The following APBA2 variants were observed in gnomAD, a reference collection of about 807,000 sequenced individuals.
The protein encoded by APBA2 is amyloid beta precursor protein binding family A member 2.
Under a neutral mutation model 75.0 loss-of-function variants are expected in APBA2, and 30 were observed. The ratio of observed to expected loss-of-function variants is 0.40; its 90% CI spans 0.30 to 0.54. The LOEUF is 0.54. Among genes scored for constraint, APBA2 ranks in the 20% least tolerant of loss-of-function variants. APBA2 has a pLI of 0.49. For missense variants in APBA2, 801 were observed against 1,016.1 expected, an observed-to-expected ratio of 0.79 and a Z score of 2.88; for synonymous variants, 444 against 409.6, an observed-to-expected ratio of 1.08 and a Z score of -1.01.
chr15:28,909,828 G>A (rs535738463), intron 1 of APBA2, among the ~76,000 whole-genome samples: 1 of 152,306 alleles, frequency 6.6e-6, no homozygotes, highest in South Asian at 2.1e-4. Flanking sequence ...TCTAAAGGAT[G>A]CTTCTGTGTT....
intron 2 of APBA2, among the ~76,000 whole-genome samples, chr15:28,972,129 G>GGTTCCCCAAAGGGATA (rs2037100998): frequency 6.6e-6 from 1 of 152,138 alleles, no homozygotes; most frequent in South Asian, 2.1e-4. Flanking sequence ...TAAATGATAA[G>GGTTCCCCAAAGGGATA]GTTCCCCAAA....
At chr15:28,948,397 A>C (rs2035664814) in intron 2 of APBA2, among the ~76,000 whole-genome samples, 9 of 150,456 alleles carry the variant, frequency 6.0e-5, no homozygotes, top group Admixed American at 5.9e-4. Flanking sequence ...AAAAAAAATT[A>C]AAACTCTGGG....
chr15:28,912,540 A>AGC (rs1208574192), intron 1 of APBA2, among the ~76,000 whole-genome samples: 2 of 152,214 alleles, frequency 1.3e-5, no homozygotes, highest in African/African-American at 4.8e-5. Context: ...CATCAGGGTG[A>AGC]GCGCGGTTCA....
At chr15:28,995,975 G>T (rs1365114146) in intron 3 of APBA2, among the ~76,000 whole-genome samples, 169 bp downstream of exon 3, 1 of 152,068 alleles carries the variant, frequency 6.6e-6, no homozygotes, top group Non-Finnish European at 1.5e-5. Flanking sequence ...TTTGAAGCTG[G>T]GGTTTGAGTC....
At chr15:28,935,058 T>C (rs889379555) in intron 2 of APBA2, among the ~76,000 whole-genome samples, 2 of 151,628 alleles carry the variant, frequency 1.3e-5, no homozygotes, top group Non-Finnish European at 2.9e-5. Context: ...TGTAGCCTTG[T>C]TGTTGTAAGA....
intron 9 of APBA2, among the ~76,000 whole-genome samples, chr15:29,099,461 C>G (rs2044011838): frequency 6.6e-6 from 1 of 152,232 alleles, no homozygotes; most frequent in Admixed American, 6.5e-5. Context: ...ACCAGGGAAG[C>G]TCATAGACAC....
intron 3 of APBA2, among the ~76,000 whole-genome samples, chr15:29,017,107 G>C (rs922424497): frequency 6.6e-6 from 1 of 152,084 alleles, no homozygotes; most frequent in African/African-American, 2.4e-5. Context: ...AGTGGTACCT[G>C]CCTGCTTGAG....
rs1235409344 is a variant in APBA2 at position 29,117,327 on chromosome 15, G to GAGTC, written c.*196_*199dup. The stretch of plus-strand genomic sequence containing the variant: ...AAAGGGGTATGTCTTTATCAAAGGA[G>GAGTC]AGTCACAGAACAAATGTTTGTTTGT... On this transcript the variant is annotated 3_prime_UTR_variant, in exon 15 of 15. Coordinates refer to ENST00000683413, the MANE Select transcript of APBA2 (RefSeq NM_001353788.2). 1 of 607,830 alleles carries GAGTC rather than the reference G, an allele frequency of 1.6e-6. No homozygotes were observed. Among genetic ancestry groups the GAGTC allele is most frequent in the African/African-American group, 1.9e-5 (1 of 53,838 alleles). 37.7% of individuals were successfully genotyped at this position (607,830 alleles called of 1,614,324 possible).
chr15:28,949,729 A>G (rs1023300686), intron 2 of APBA2, among the ~76,000 whole-genome samples: 3 of 152,140 alleles, frequency 2.0e-5, no homozygotes, highest in Non-Finnish European at 4.4e-5. Context: ...TCCACCTCCC[A>G]AAGTGCTGGG....
At chr15:28,937,814 G>T (rs140790485) in intron 2 of APBA2, among the ~76,000 whole-genome samples, 1 of 151,894 alleles carries the variant, frequency 6.6e-6, no homozygotes, top group Non-Finnish European at 1.5e-5. Context: ...CCGCCACCAC[G>T]CCCGGCTAAT....
intron 3 of APBA2, among the ~76,000 whole-genome samples, chr15:29,013,544 G>A (rs1217586459): frequency 2.0e-5 from 3 of 152,110 alleles, no homozygotes; most frequent in African/African-American, 4.8e-5. Flanking sequence ...GCCTCCCAAA[G>A]TGCTGGGATT....
intron 2 of APBA2, among the ~76,000 whole-genome samples, chr15:28,980,140 G>A (rs2037546090): frequency 1.3e-5 from 2 of 152,138 alleles, no homozygotes; most frequent in South Asian, 4.1e-4. Context: ...TGTCCTGCTT[G>A]TTTTGGGGGA....
At chr15:29,051,283 C>T (rs919264121) in intron 3 of APBA2, among the ~76,000 whole-genome samples, 2 of 152,142 alleles carry the variant, frequency 1.3e-5, no homozygotes, top group Non-Finnish European at 2.9e-5. Context: ...ACAGCTCTTT[C>T]GAATTGTCCT....
At chr15:29,062,528 A>G (rs1399432527) in intron 4 of APBA2, among the ~76,000 whole-genome samples, 4 of 152,174 alleles carry the variant, frequency 2.6e-5, no homozygotes, top group Admixed American at 6.5e-5. Flanking sequence ...TTTGATTTGT[A>G]TGAAGCCTTT....
intron 2 of APBA2, among the ~76,000 whole-genome samples, chr15:28,987,534 G>A (rs537687209): frequency 6.6e-6 from 1 of 152,008 alleles, no homozygotes; most frequent in African/African-American, 2.4e-5. Flanking sequence ...CCCAGCCTCA[G>A]TGATTCAAGA....
At chr15:28,960,313 A>T (rs947727628) in intron 2 of APBA2, among the ~76,000 whole-genome samples, 21 of 151,778 alleles carry the variant, frequency 1.4e-4, no homozygotes, top group African/African-American at 4.8e-4. Context: ...AATATATTAA[A>T]ATTAGCTGGG....
intron 4 of APBA2, among the ~76,000 whole-genome samples, chr15:29,074,701 A>C (rs892531375): frequency 6.6e-6 from 1 of 152,234 alleles, no homozygotes; most frequent in African/African-American, 2.4e-5. Flanking sequence ...AAAGATAACA[A>C]ATTTCAAAAT....
rs1240119950 is a variant in APBA2 at position 29,013,372 on chromosome 15, C to T, written c.-41+17566C>T. On this transcript the variant is annotated intron_variant, in intron 3 of 14. Transcript: ENST00000683413. ...TCGGCTTGCTGCGAGCTCCGCCTCACGGGTTCACGCCATTCTCCTGCCTCA... is the reference window on the plus strand; with the variant it reads ...TCGGCTTGCTGCGAGCTCCGCCTCATGGGTTCACGCCATTCTCCTGCCTCA... Among the ~76,000 whole-genome samples the T allele has an allele frequency of 4.0e-5, 6 of 150,376 alleles. No individual in the cohort carries two copies. In the South Asian group the frequency reaches 6.3e-4, roughly 16 times the overall value.
chr15:29,068,820 A>G (rs1161463833), intron 4 of APBA2, among the ~76,000 whole-genome samples: 1 of 152,220 alleles, frequency 6.6e-6, no homozygotes, highest in African/African-American at 2.4e-5. Flanking sequence ...AGACCCTTAG[A>G]GGGCTCTCTT....
Sources: gnomAD v4.1 joint callset for allele counts (sites outside exome capture counted in the v4.1 genomes callset) on GRCh38, gnomAD v4.1.1 for gene constraint, MANE v1.5 for transcripts, NCBI Gene and HGNC (gene_info 2026-07-23, HGNC 2026-07-21) for gene names.